The following GOLGA4 variants were observed in gnomAD, a reference collection of about 807,000 sequenced individuals.
The protein encoded by GOLGA4 is golgin subfamily A member 4.
Under a neutral mutation model 265.9 loss-of-function variants are expected in GOLGA4, and 169 were observed. That is an observed-to-expected ratio of 0.64 (90% CI 0.56 to 0.72). The LOEUF (loss-of-function observed/expected upper bound fraction) is 0.72. Among genes scored for constraint, GOLGA4 ranks in the 30% least tolerant of loss-of-function variants. The probability of loss-of-function intolerance (pLI) is 0.00; values close to 1 mark genes in which losing one functional copy is unlikely to be tolerated. For synonymous variants in GOLGA4, 923 were observed against 855.8 expected, an observed-to-expected ratio of 1.08 and a Z score of -1.37; for missense variants, 2,482 against 2,483.4, an observed-to-expected ratio of 1.00 and a Z score of 0.01.
intron 5 of GOLGA4, among the ~76,000 whole-genome samples, chr3:37,290,246 A>G (rs1210161041): frequency 3.9e-5 from 6 of 152,174 alleles, no homozygotes; most frequent in African/African-American, 7.2e-5. Context: ...GATTAGGATG[A>G]TATCATCAAT....
In GOLGA4 at chr3:37,282,252, T is replaced by A. The variant is rs768238779; in HGVS notation, c.457T>A (p.Tyr153Asn). Residue 153 changes from tyrosine to asparagine, a missense_variant, in exon 3 of 24, where the codon TAC becomes AAC. Transcript: ENST00000361924. Reference sequence around the variant, plus strand: ...AAGAATGGAACGAAGCTTAAGTAGCTACAGGGGAAAATATTCTGAGGTAGG... The same window carrying A: ...AAGAATGGAACGAAGCTTAAGTAGCAACAGGGGAAAATATTCTGAGGTAGG... ...LRRMERSLSS[Y>N]RGKYSELVTA... is the part of the protein sequence containing the mutation. 9 of 1,613,758 alleles carry A rather than the reference T, an allele frequency of 5.6e-6. No homozygotes were observed. The highest frequency in any genetic ancestry group is 7.6e-6 in the Non-Finnish European group (9 of 1,179,782).
chr3:37,299,266 T>A (rs569716914), intron 8 of GOLGA4, 22 bp from the exon 9 acceptor site: 122 of 1,498,470 alleles, frequency 8.1e-5, no homozygotes, highest in Non-Finnish European at 1.1e-4. Context: ...GAGATGGAAA[T>A]GAATTTAAAA....
chr3:37,308,090 G>A (rs986508142), intron 10 of GOLGA4, among the ~76,000 whole-genome samples: 12 of 151,900 alleles, frequency 7.9e-5, no homozygotes, highest in Non-Finnish European at 8.8e-5. Context: ...AAAATTAGCC[G>A]GGCATGGTGG....
chr3:37,250,000 G>A (rs1329976793), intron 1 of GOLGA4: 1 of 152,196 alleles, frequency 6.6e-6, no homozygotes, highest in African/African-American at 2.4e-5. Context: ...CTTATGACTC[G>A]AAGTCTCATG....
intron 2 of GOLGA4, among the ~76,000 whole-genome samples, chr3:37,257,733 C>G (rs2096752764): frequency 6.6e-6 from 1 of 151,202 alleles, no homozygotes; most frequent in South Asian, 2.1e-4. Context: ...CATTTTGCCT[C>G]CTATCCTGCT....
Position 37,327,828 on chromosome 3 carries a change from A to C in GOLGA4, c.5939+3A>C. Reference sequence around the variant, plus strand: ...CAAGAAAGGGAAGAGAAAATCAAGTAAGTTTTATTTCAGCTTGAATATTTT... The same window carrying C: ...CAAGAAAGGGAAGAGAAAATCAAGTCAGTTTTATTTCAGCTTGAATATTTT... On this transcript the variant is annotated splice_donor_region_variant and intron_variant, in intron 14 of 23. Transcript: ENST00000361924. 6.3e-7 allele frequency: 1 copy of C among 1,588,696 alleles called. No homozygotes were observed. Among genetic ancestry groups the C allele is most frequent in the Non-Finnish European group, 8.6e-7 (1 of 1,163,520 alleles).
At chr3:37,341,534 A>T (rs567455096) in intron 20 of GOLGA4, 1 of 152,356 alleles carries the variant, frequency 6.6e-6, no homozygotes, top group African/African-American at 2.4e-5. Context: ...CCTCAAAAAG[A>T]AGTAAAAACC....
In GOLGA4 at chr3:37,324,698, A is replaced by T. The variant is rs1260987280; in HGVS notation, c.2812A>T (p.Ile938Phe). The T allele has an allele frequency of 1.9e-6, 3 of 1,603,686 alleles. No homozygotes were observed. The highest frequency in any genetic ancestry group is 1.7e-5 in the Admixed American group (1 of 57,650). The change falls in exon 14 of 24, where the codon ATT (isoleucine) becomes TTT (phenylalanine). Residue 938 changes from isoleucine (I) to phenylalanine (F), a missense_variant. This residue lies in a region of GOLGA4 where 1,536 missense variants were observed against 1,483.7 expected (regional missense o/e 1.04). Coordinates refer to ENST00000361924, the MANE Select transcript of GOLGA4 (RefSeq NM_002078.5). Reference sequence around the variant, plus strand: ...GAAATTGTCAGCCAAGGAGGACAGTATTCATATTTTGAATGAGGAATATGA... The same window carrying T: ...GAAATTGTCAGCCAAGGAGGACAGTTTTCATATTTTGAATGAGGAATATGA... ...TQKLSAKEDS[I>F]HILNEEYETK... is the part of the protein sequence containing the mutation.
intron 10 of GOLGA4, among the ~76,000 whole-genome samples, chr3:37,312,008 C>G (rs182340841): frequency 1.7e-3 from 261 of 152,256 alleles, no homozygotes; most frequent in African/African-American, 6.0e-3. Context: ...CTAGTATTGA[C>G]TACATAGTTT....
At chr3:37,276,173 A>T in intron 2 of GOLGA4, 1 of 1,595,186 alleles carries the variant, frequency 6.3e-7, no homozygotes, top group Non-Finnish European at 8.6e-7. Flanking sequence ...CTACATTGCA[A>T]TTGGAGCTGA....
chr3:37,257,916 TA>T lies in GOLGA4; in HGVS notation c.162+6433del, dbSNP rs1560279383. ...ATACATATATATATATATATATATGTATGTATATATGTATATATACATACAT... is the reference window on the plus strand; with the variant it reads ...ATACATATATATATATATATATATGTTGTATATATGTATATATACATACAT... On this transcript the variant is annotated intron_variant, in intron 2 of 23. Transcript: ENST00000361924. 1.9e-4 allele frequency among the ~76,000 whole-genome samples: 23 copies of T among 120,952 alleles called. 3 individuals are homozygous for T. The highest frequency in any genetic ancestry group is 9.6e-4 in the Admixed American group (11 of 11,436). The allele number at this position is 120,952 out of a possible 152,430, so 79.3% of individuals were successfully genotyped here. A position where few individuals can be genotyped will look rare whatever the true frequency, so the allele number is the denominator to read the frequency against.
intron 17 of GOLGA4, among the ~76,000 whole-genome samples, 196 bp from the exon 18 acceptor site, chr3:37,336,947 G>C (rs1029337841): frequency 6.6e-6 from 1 of 152,006 alleles, no homozygotes; most frequent in Non-Finnish European, 1.5e-5. Flanking sequence ...TGTATTTAGA[G>C]TATAATATTT....
Position 37,267,215 on chromosome 3 carries a change from CT to C in GOLGA4, c.163-14736del, listed in dbSNP as rs552286875. Among the ~76,000 whole-genome samples, 558 of 152,246 alleles carry C rather than the reference CT, an allele frequency of 3.7e-3. 3 individuals are homozygous for C. The highest frequency in any genetic ancestry group is 0.012 in the African/African-American group (503 of 41,550). On this transcript the variant is annotated intron_variant, in intron 2 of 23. Coordinates refer to ENST00000361924, the MANE Select transcript of GOLGA4 (RefSeq NM_002078.5). The stretch of plus-strand genomic sequence containing the variant: ...AAGCTACCTTCGCTTACTCTAACCT[CT>C]TTTTTTCCTAGGGAATGTTTGTTCA...
chr3:37,247,787 G>T (rs1164393226), intron 1 of GOLGA4, among the ~76,000 whole-genome samples: 1 of 152,108 alleles, frequency 6.6e-6, no homozygotes, highest in Non-Finnish European at 1.5e-5. Context: ...GTCCTTTCTG[G>T]TTATAGGACT....
intron 23 of GOLGA4, among the ~76,000 whole-genome samples, chr3:37,362,232 T>TATTA (rs1382729857): frequency 6.0e-4 from 72 of 120,272 alleles, no homozygotes; most frequent in African/African-American, 1.7e-3. Context: ...TTTATTTATT[T>TATTA]ATTTATTATT....
At chr3:37,352,146 T>G (rs576772035) in intron 21 of GOLGA4, among the ~76,000 whole-genome samples, 1 of 152,174 alleles carries the variant, frequency 6.6e-6, no homozygotes, top group East Asian at 1.9e-4. Flanking sequence ...ACTGCTTGTA[T>G]TAGTCCCTTC....
At chr3:37,289,673 CACTTAG>C (rs1462259349) in intron 5 of GOLGA4, among the ~76,000 whole-genome samples, 1 of 152,042 alleles carries the variant, frequency 6.6e-6, no homozygotes, top group Non-Finnish European at 1.5e-5. Flanking sequence ...TTTTTCATAG[CACTTAG>C]ACTGTTTGAA....
chr3:37,280,060 G>T (rs961212830), intron 2 of GOLGA4, among the ~76,000 whole-genome samples: 1 of 152,030 alleles, frequency 6.6e-6, no homozygotes, highest in East Asian at 1.9e-4. Flanking sequence ...ACACAGCATC[G>T]TAGATAGAGA....
At chr3:37,256,674 A>G (rs1013014423) in intron 2 of GOLGA4, among the ~76,000 whole-genome samples, 1 of 152,098 alleles carries the variant, frequency 6.6e-6, no homozygotes, top group Non-Finnish European at 1.5e-5. Context: ...TCCTCAGAGT[A>G]GGGCTTCCTG....
Sources: allele counts gnomAD v4.1 joint callset (sites outside exome capture counted in the v4.1 genomes callset), GRCh38; gene constraint gnomAD v4.1.1; regional missense constraint gnomAD v4.1.1; transcripts MANE v1.5; gene names NCBI Gene and HGNC (gene_info 2026-07-23, HGNC 2026-07-21).